QNG1: variants seen among roughly 807,000 people sequenced by gnomAD.
The protein encoded by QNG1 is queuosine 5'-phosphate N-glycosylase/hydrolase.
chr9:83,944,298 T>C, the QNG1 span, among the ~76,000 whole-genome samples: 44,719 of 152,084 alleles, frequency 0.29, 6,945 homozygotes, highest in African/African-American at 0.39. Context: ...TAAGCTTATA[T>C]ATCATAAGGC....
At chr9:83,939,745 T>C in the QNG1 span, 17 of 1,608,208 alleles carry the variant, frequency 1.1e-5, no homozygotes, top group Non-Finnish European at 1.4e-5. Flanking sequence ...GCATTTCTCC[T>C]GCAAGGGGGA....
At chr9:83,943,864 A>G in the QNG1 span, among the ~76,000 whole-genome samples, 1 of 152,076 alleles carries the variant, frequency 6.6e-6, no homozygotes, top group East Asian at 1.9e-4. Context: ...TGCTAAAAAT[A>G]CAAAAAATTA....
the QNG1 span, chr9:83,939,379 T>C: frequency 1.5e-6 from 1 of 667,130 alleles, no homozygotes; most frequent in Non-Finnish European, 2.6e-6. Flanking sequence ...GCCTAGGAAG[T>C]ATTTTTCAAG....
the QNG1 span, among the ~76,000 whole-genome samples, chr9:83,954,051 T>C: frequency 1.3e-5 from 2 of 152,010 alleles, no homozygotes; most frequent in Non-Finnish European, 2.9e-5. Context: ...CGTGCAACCA[T>C]ACCCAGCTAA....
the QNG1 span, among the ~76,000 whole-genome samples, chr9:83,954,252 A>C: frequency 6.6e-6 from 1 of 152,178 alleles, no homozygotes; most frequent in Admixed American, 6.6e-5. Flanking sequence ...CCAATAAAGT[A>C]ACCTTCTTGA....
chr9:83,948,877 A>G, the QNG1 span, among the ~76,000 whole-genome samples: 170 of 152,196 alleles, frequency 1.1e-3, no homozygotes, highest in Non-Finnish European at 2.0e-3. Context: ...GCTTTGTTAA[A>G]CAGATGCTTG....
the QNG1 span, chr9:83,939,305 C>A: frequency 2.0e-6 from 1 of 508,502 alleles, no homozygotes; most frequent in Admixed American, 3.4e-5. Flanking sequence ...CTCCTGACCT[C>A]AGATGATCCA....
the QNG1 span, among the ~76,000 whole-genome samples, chr9:83,947,762 G>A: frequency 1.3e-5 from 2 of 152,208 alleles, no homozygotes; most frequent in Non-Finnish European, 2.9e-5. Context: ...TGATCTGCCC[G>A]CCTGGGCCTC....
At chr9:83,956,621 C>A in the QNG1 span, 1 of 776,490 alleles carries the variant, frequency 1.3e-6, no homozygotes, top group Non-Finnish European at 2.0e-6. Context: ...CCCGCCCTGC[C>A]AGGGAGTGGC....
chr9:83,948,503 C>G, the QNG1 span, among the ~76,000 whole-genome samples: 2 of 140,444 alleles, frequency 1.4e-5, no homozygotes, highest in Middle Eastern at 4.7e-3. Flanking sequence ...GGCCACCGCC[C>G]TGTCCGGGAG....
At chr9:83,955,677 A>G in the QNG1 span, 7 of 1,589,672 alleles carry the variant, frequency 4.4e-6, no homozygotes, top group Non-Finnish European at 6.0e-6. Flanking sequence ...GACCAATGTC[A>G]TACTTCCATA....
the QNG1 span, among the ~76,000 whole-genome samples, chr9:83,954,332 A>G: frequency 6.6e-6 from 1 of 152,194 alleles, no homozygotes; most frequent in Non-Finnish European, 1.5e-5. Context: ...TTAGGTTTGA[A>G]ACATTTTAAA....
At chr9:83,943,962 A>G in the QNG1 span, among the ~76,000 whole-genome samples, 1 of 152,114 alleles carries the variant, frequency 6.6e-6, no homozygotes, top group Admixed American at 6.6e-5. Context: ...CGGAGCTTGC[A>G]GTGAGCCAAT....
the QNG1 span, among the ~76,000 whole-genome samples, chr9:83,949,095 T>TAA: frequency 3.3e-5 from 4 of 121,158 alleles, no homozygotes; most frequent in African/African-American, 6.0e-5. Flanking sequence ...CAATAAATAC[T>TAA]AAAAAAAAAA....
chr9:83,950,891 G>A, the QNG1 span, among the ~76,000 whole-genome samples: 10 of 152,164 alleles, frequency 6.6e-5, no homozygotes, highest in South Asian at 2.1e-4. Context: ...AAGAGCCATC[G>A]CACCTGGACA....
the QNG1 span, among the ~76,000 whole-genome samples, chr9:83,947,351 CTTT>C: frequency 6.6e-6 from 1 of 152,120 alleles, no homozygotes; most frequent in East Asian, 1.9e-4. Flanking sequence ...ACTACAGATT[CTTT>C]TATTTACTAA....
the QNG1 span, among the ~76,000 whole-genome samples, chr9:83,947,491 C>T: frequency 2.6e-5 from 4 of 152,204 alleles, no homozygotes; most frequent in Admixed American, 1.3e-4. Flanking sequence ...TCTAAAGCTA[C>T]ATTTAAGAAA....
the QNG1 span, chr9:83,953,731 C>T: frequency 1.6e-6 from 2 of 1,269,798 alleles, no homozygotes; most frequent in African/African-American, 1.5e-5. Flanking sequence ...AATCTCGGCT[C>T]ACTGCAACCT....
chr9:83,944,699 C>CTT, the QNG1 span: 1 of 939,190 alleles, frequency 1.1e-6, no homozygotes. Flanking sequence ...ATAAATAGTA[C>CTT]TTTTTTTTTA....
Sources: gnomAD v4.1 joint callset for allele counts (sites outside exome capture counted in the v4.1 genomes callset) on GRCh38, gnomAD v4.1.1 for gene constraint, MANE v1.5 for transcripts, NCBI Gene and HGNC (gene_info 2026-07-23, HGNC 2026-07-21) for gene names.